Variants in GRIN3A observed in about 807,000 individuals in gnomAD.
GRIN3A encodes the protein glutamate receptor ionotropic, NMDA 3A.
GRIN3A carries 47 observed loss-of-function variants against 92.4 expected under a neutral mutation model. The ratio of observed to expected loss-of-function variants is 0.51; its 90% CI spans 0.40 to 0.65. The LOEUF (loss-of-function observed/expected upper bound fraction) is 0.65. Ranked by LOEUF, GRIN3A falls within the 30% of genes least tolerant of loss-of-function variation. The probability of loss-of-function intolerance (pLI) is 0.00; values close to 1 mark genes in which losing one functional copy is unlikely to be tolerated. For missense variants in GRIN3A, 1,324 were observed against 1,393.1 expected, an observed-to-expected ratio of 0.95 and a Z score of 0.79; for synonymous variants, 527 against 540.6, an observed-to-expected ratio of 0.97 and a Z score of 0.35.
intron 2 of GRIN3A, among the ~76,000 whole-genome samples, chr9:101,672,927 T>C (rs1228557783): frequency 6.6e-6 from 1 of 152,160 alleles, no homozygotes; most frequent in Non-Finnish European, 1.5e-5. Flanking sequence ...AATCAATTGA[T>C]AATTACCTAG....
chr9:101,578,568 C>T (rs1410093062), intron 7 of GRIN3A, among the ~76,000 whole-genome samples: 6 of 152,218 alleles, frequency 3.9e-5, no homozygotes, highest in Non-Finnish European at 8.8e-5. Flanking sequence ...TAGAGTTCTT[C>T]CATCATTATG....
chr9:101,701,845 C>G (rs1403317869), intron 1 of GRIN3A, among the ~76,000 whole-genome samples: 2 of 152,140 alleles, frequency 1.3e-5, no homozygotes, highest in Non-Finnish European at 2.9e-5. Flanking sequence ...TCTTACCTCC[C>G]CAATGACCTT....
At chr9:101,654,213 G>T (rs1307914350) in intron 3 of GRIN3A, among the ~76,000 whole-genome samples, 1 of 151,410 alleles carries the variant, frequency 6.6e-6, no homozygotes, top group Non-Finnish European at 1.5e-5. Context: ...TGTGACTGAA[G>T]AGGAGGCATT....
chr9:101,610,619 A>ATCTATCTAGG, intron 6 of GRIN3A, among the ~76,000 whole-genome samples: 1 of 150,622 alleles, frequency 6.6e-6, no homozygotes, highest in Middle Eastern at 3.4e-3. Flanking sequence ...CTATCTATCT[A>ATCTATCTAGG]TCTATCATCT....
intron 2 of GRIN3A, among the ~76,000 whole-genome samples, chr9:101,684,505 T>C (rs1829506159): frequency 6.6e-6 from 1 of 152,130 alleles, no homozygotes; most frequent in Non-Finnish European, 1.5e-5. Context: ...ACAGAATTTA[T>C]ATTCTAGCTC....
chr9:101,713,488 T>C (rs1212581211), intron 1 of GRIN3A, among the ~76,000 whole-genome samples: 1 of 152,138 alleles, frequency 6.6e-6, no homozygotes, highest in Non-Finnish European at 1.5e-5. Flanking sequence ...CAGTAAAAGA[T>C]GACTAGGTAG....
At chr9:101,698,875 A>G (rs1588288508) in intron 1 of GRIN3A, among the ~76,000 whole-genome samples, 1 of 151,988 alleles carries the variant, frequency 6.6e-6, no homozygotes, top group Non-Finnish European at 1.5e-5. Flanking sequence ...TCACCATGTT[A>G]GCCAGGATGG....
At chr9:101,675,535 G>A (rs866421979) in intron 2 of GRIN3A, among the ~76,000 whole-genome samples, 1 of 151,864 alleles carries the variant, frequency 6.6e-6, no homozygotes, top group Non-Finnish European at 1.5e-5. Flanking sequence ...ACTGTCCTAG[G>A]TGCTGGGGGT....
intron 1 of GRIN3A, among the ~76,000 whole-genome samples, chr9:101,705,084 G>A (rs1326404927): frequency 1.3e-5 from 2 of 152,150 alleles, no homozygotes; most frequent in African/African-American, 4.8e-5. Flanking sequence ...CCTTGGGCCT[G>A]TGCCCATAGA....
At chr9:101,579,103 T>A in intron 7 of GRIN3A, 93 bp downstream of exon 7, 1 of 1,310,088 alleles carries the variant, frequency 7.6e-7, no homozygotes, top group Non-Finnish European at 1.1e-6. Context: ...TGTGGTAACA[T>A]AACTTAGTAG....
At chr9:101,720,120 C>T (rs1829993723) in intron 1 of GRIN3A, among the ~76,000 whole-genome samples, 1 of 152,146 alleles carries the variant, frequency 6.6e-6, no homozygotes, top group Non-Finnish European at 1.5e-5. Flanking sequence ...TACAGTTTGA[C>T]TGTGTTGGTC....
At chr9:101,648,437 C>T (rs1828968188) in intron 3 of GRIN3A, among the ~76,000 whole-genome samples, 1 of 151,984 alleles carries the variant, frequency 6.6e-6, no homozygotes, top group African/African-American at 2.4e-5. Context: ...TATTCTTCAG[C>T]TGCTGGATGG....
At chr9:101,656,574 A>G (rs1259311909) in intron 3 of GRIN3A, among the ~76,000 whole-genome samples, 1 of 151,868 alleles carries the variant, frequency 6.6e-6, no homozygotes, top group Non-Finnish European at 1.5e-5. Flanking sequence ...TATTGTGCAG[A>G]ATACACCTAG....
chr9:101,598,881 C>G (rs1194982092), intron 6 of GRIN3A, among the ~76,000 whole-genome samples: 2 of 152,196 alleles, frequency 1.3e-5, no homozygotes, highest in Non-Finnish European at 2.9e-5. Flanking sequence ...AATGCAGTAA[C>G]CAACATCACT....
chr9:101,688,201 C>G (rs540274106), intron 1 of GRIN3A, among the ~76,000 whole-genome samples: 23 of 152,256 alleles, frequency 1.5e-4, no homozygotes, highest in Non-Finnish European at 2.6e-4. Flanking sequence ...AATCTCAAGC[C>G]CTTGTATGAA....
chr9:101,696,002 T>A (rs1291173013), intron 1 of GRIN3A, among the ~76,000 whole-genome samples: 1 of 152,170 alleles, frequency 6.6e-6, no homozygotes. Context: ...TCTTTTAATA[T>A]GCTTTGAGCT....
intron 6 of GRIN3A, among the ~76,000 whole-genome samples, chr9:101,605,081 C>T (rs958757816): frequency 2.6e-5 from 4 of 152,330 alleles, no homozygotes; most frequent in Middle Eastern, 3.4e-3. Context: ...CTCTGTGCCC[C>T]GGGACCCATA....
rs553443475 is a variant in GRIN3A at position 101,580,170 on chromosome 9, A to C, written c.2767-810T>G. 3.3e-5 allele frequency among the ~76,000 whole-genome samples: 5 copies of C among 152,232 alleles called. No homozygotes were observed. In the South Asian group the frequency reaches 1.0e-3, roughly 32 times the overall value. ...TATACTCAGCCACCCCACTCAGCAT[A>C]AATTCCTGTTCCCTTTTACCCCTCC... On this transcript the variant is annotated intron_variant, in intron 6 of 8. Coordinates refer to ENST00000361820, the MANE Select transcript of GRIN3A (RefSeq NM_133445.3).
chr9:101,661,096 A>C (rs1487302491), intron 3 of GRIN3A, among the ~76,000 whole-genome samples: 3 of 151,860 alleles, frequency 2.0e-5, no homozygotes, highest in African/African-American at 7.2e-5. Context: ...CTCTGTGGAC[A>C]GTATAAGTGT....
Sources: allele counts gnomAD v4.1 joint callset (sites outside exome capture counted in the v4.1 genomes callset), GRCh38; gene constraint gnomAD v4.1.1; transcripts MANE v1.5; gene names NCBI Gene and HGNC (gene_info 2026-07-23, HGNC 2026-07-21).